Variants in SLC66A2 observed in about 807,000 individuals in gnomAD.
SLC66A2 encodes the protein solute carrier family 66 member 2, also known as PQ loop repeat containing 1.
In SLC66A2, 23 loss-of-function variants were observed where a neutral mutation model predicts 25.5. The observed-to-expected ratio is 0.90, with a 90% CI of 0.65 to 1.28. The LOEUF is 1.28. Ranked by LOEUF, SLC66A2 falls within the 50% of genes most tolerant of loss-of-function variation. SLC66A2 has a pLI of 0.00. For synonymous variants in SLC66A2, 193 were observed against 166.5 expected (o/e 1.16, Z -1.23); for missense variants, 396 against 373.1 (o/e 1.06, Z -0.51).
In SLC66A2 at chr18:79,928,751, G is replaced by A. The variant is rs1436305157; in HGVS notation, c.391+5218C>T. ...GCCACTGCAGCAGTGGCGGGCACCC[G>A]AGCTCTTCATCGCCTGCTCAGCTCC... On this transcript the variant is annotated intron_variant, in intron 4 of 5. Coordinates refer to ENST00000397778, the MANE Select transcript of SLC66A2 (RefSeq NM_025078.5). Among the ~76,000 whole-genome samples, 5 of 151,794 alleles carry A rather than the reference G, an allele frequency of 3.3e-5. No homozygotes were observed. The South Asian group carries it at 6.3e-4, about 19-fold the overall frequency.
At chr18:79,924,266 G>C (rs1037997090) in intron 4 of SLC66A2, among the ~76,000 whole-genome samples, 3 of 152,146 alleles carry the variant, frequency 2.0e-5, no homozygotes, top group Non-Finnish European at 2.9e-5. Context: ...AAGGAAGAAA[G>C]GGCAGATTCA....
intron 3 of SLC66A2, among the ~76,000 whole-genome samples, chr18:79,942,458 G>A (rs1226022830): frequency 6.6e-6 from 1 of 152,190 alleles, no homozygotes; most frequent in African/African-American, 2.4e-5. Flanking sequence ...CCAACAGGAC[G>A]AAGTAGCGGT....
chr18:79,934,549 A>T (rs1986892493), intron 3 of SLC66A2, among the ~76,000 whole-genome samples: 1 of 152,238 alleles, frequency 6.6e-6, no homozygotes, highest in Non-Finnish European at 1.5e-5. Flanking sequence ...ACCTCTGCAC[A>T]GACACAGACA....
At chr18:79,930,499 A>AT (rs1188869768) in intron 4 of SLC66A2, among the ~76,000 whole-genome samples, 1 of 152,212 alleles carries the variant, frequency 6.6e-6, no homozygotes, top group Non-Finnish European at 1.5e-5. Flanking sequence ...TCAAATCCAC[A>AT]TAAAAAAAGA....
At chr18:79,906,168 A>G (rs762114477) in intron 5 of SLC66A2, among the ~76,000 whole-genome samples, 43 of 152,206 alleles carry the variant, frequency 2.8e-4, no homozygotes, top group Non-Finnish European at 5.6e-4. Context: ...CTGGTTTATC[A>G]GTTAATGATT....
chr18:79,904,137 C>A lies in SLC66A2; in HGVS notation c.655G>T (p.Ala219Ser). The A allele has an allele frequency of 6.2e-7, 1 of 1,613,024 alleles. No individual in the cohort carries two copies. Among genetic ancestry groups the A allele is most frequent in the East Asian group, 2.2e-5 (1 of 44,856 alleles). The change falls in exon 6 of 6, where the codon GCC (alanine) becomes TCC (serine). Residue 219 changes from alanine to serine, a missense_variant. By Grantham distance (99) the Ala-to-Ser change is moderately conservative. Coordinates refer to ENST00000397778, the MANE Select transcript of SLC66A2 (RefSeq NM_025078.5). This position sits in a 1 kb window ranked among gnomAD's most constrained non-coding sequence, Gnocchi z 6.3. ...GGGGCACCCTTCAGCAGGAAGTAGG[C>A]CGTCTTGAAGGCGTCACCACTGGTC... ...MWTSGDAFKT[A>S]YFLLKGAPLQ...
intron 5 of SLC66A2, among the ~76,000 whole-genome samples, chr18:79,905,792 C>T (rs1364763406): frequency 2.0e-5 from 3 of 152,322 alleles, no homozygotes; most frequent in East Asian, 1.9e-4. Flanking sequence ...ACACAAAGCC[C>T]GTGGCTTTAC....
intron 2 of SLC66A2, among the ~76,000 whole-genome samples, chr18:79,946,012 T>G (rs1411349933): frequency 1.3e-5 from 2 of 152,238 alleles, no homozygotes; most frequent in African/African-American, 4.8e-5. Flanking sequence ...GTGAGCCATT[T>G]TGGCCACTCT....
chr18:79,919,144 CTG>C, intron 5 of SLC66A2, 38 bp downstream of exon 5: 1 of 1,567,664 alleles, frequency 6.4e-7, no homozygotes. Context: ...TGTGGTGCCT[CTG>C]GAGCAGTGGT....
intron 4 of SLC66A2, among the ~76,000 whole-genome samples, chr18:79,922,277 GA>G (rs1985330106): frequency 1.0e-5 from 1 of 100,366 alleles, no homozygotes; most frequent in East Asian, 3.2e-4. Flanking sequence ...TTGTCTCTTT[GA>G]AAAGAAAAAA....
At chr18:79,911,554 C>T (rs1005654059) in intron 5 of SLC66A2, among the ~76,000 whole-genome samples, 14 of 152,248 alleles carry the variant, frequency 9.2e-5, no homozygotes, top group Non-Finnish European at 8.8e-5. Context: ...CGCACAGGTG[C>T]GCTCTGCAGC....
intron 4 of SLC66A2, among the ~76,000 whole-genome samples, chr18:79,928,205 C>A (rs1318706894): frequency 6.6e-6 from 1 of 152,240 alleles, no homozygotes; most frequent in Non-Finnish European, 1.5e-5. Context: ...CCAGATGGCA[C>A]TGGAATAAAC....
chr18:79,914,848 C>T lies in SLC66A2; in HGVS notation c.608+4336G>A, dbSNP rs1027130148. On this transcript the variant is annotated intron_variant, in intron 5 of 5. Transcript: ENST00000397778. ...GCCTCAGGAACAGCCCCCAGGTCGCCGGCCCTAGCCCTGCAGGCCCTGCCT... is the reference window on the plus strand; with the variant it reads ...GCCTCAGGAACAGCCCCCAGGTCGCTGGCCCTAGCCCTGCAGGCCCTGCCT... 3.9e-5 allele frequency among the ~76,000 whole-genome samples: 6 copies of T among 152,362 alleles called. No homozygotes were observed. The South Asian group carries it at 1.0e-3, about 26-fold the overall frequency.
chr18:79,935,236 C>T (rs1480368209), intron 3 of SLC66A2: 2 of 152,320 alleles, frequency 1.3e-5, no homozygotes, highest in Admixed American at 6.5e-5. Flanking sequence ...GGCAGCCAGC[C>T]GGCAGGCTGG....
At chr18:79,947,234 C>T (rs2050956643) in intron 2 of SLC66A2, 1 of 152,312 alleles carries the variant, frequency 6.6e-6, no homozygotes, top group South Asian at 2.1e-4. Context: ...TATGAGGCAT[C>T]ATTTAGCCCT....
At position 79,943,363 on chromosome 18, in the gene SLC66A2, G is replaced by A. The variant is rs116435772; in HGVS notation, c.303C>T (p.Ala101=). Residue 101 remains alanine, a synonymous_variant, in exon 3 of 6, where the codon GCC becomes GCT. Coordinates refer to ENST00000397778, the MANE Select transcript of SLC66A2 (RefSeq NM_025078.5). ...AGCGGCGCCTGGCGTTGAGCTCGTTGGCCACACGGACCTCGGTGCACAGCT... is the reference window on the plus strand; with the variant it reads ...AGCGGCGCCTGGCGTTGAGCTCGTTAGCCACACGGACCTCGGTGCACAGCT... The part of the protein sequence containing the change: ...MLKLCTEVRV[A]NELNARRRSF... The A allele has an allele frequency of 1.2e-4, 186 of 1,614,142 alleles. 3 individuals are homozygous for A. Among genetic ancestry groups the A allele is most frequent in the Middle Eastern group, 6.6e-4 (4 of 6,060 alleles).
Position 79,951,013 on chromosome 18 carries a change from G to A in SLC66A2, c.-87C>T, listed in dbSNP as rs2051103383. The A allele has an allele frequency of 3.7e-6, 4 of 1,070,754 alleles. No homozygotes were observed. In the African/African-American group the frequency reaches 5.1e-5, roughly 14 times the overall value. 66.3% of individuals were successfully genotyped at this position (1,070,754 alleles called of 1,614,324 possible). A position where few individuals can be genotyped will look rare whatever the true frequency, so the allele number is the denominator to read the frequency against. On this transcript the variant is annotated 5_prime_UTR_variant, in exon 2 of 6. Coordinates refer to ENST00000397778, the MANE Select transcript of SLC66A2 (RefSeq NM_025078.5). ...GCTCATCGCCGCTCCGCGCGCTCCTGCGGCCTCGGGGCCTGCGGGGAGCGG... is the reference window on the plus strand; with the variant it reads ...GCTCATCGCCGCTCCGCGCGCTCCTACGGCCTCGGGGCCTGCGGGGAGCGG...
At chr18:79,908,802 TTTAGA>T (rs1295242038) in intron 5 of SLC66A2, among the ~76,000 whole-genome samples, 2 of 152,256 alleles carry the variant, frequency 1.3e-5, no homozygotes, top group Non-Finnish European at 2.9e-5. Context: ...AAATATATTA[TTTAGA>T]TTATTGTATT....
chr18:79,950,479 A>C (rs2051080486), intron 2 of SLC66A2, among the ~76,000 whole-genome samples: 1 of 152,226 alleles, frequency 6.6e-6, no homozygotes, highest in Non-Finnish European at 1.5e-5. Flanking sequence ...GTGGAACATC[A>C]TGCAAGGAGG....
Sources: allele counts gnomAD v4.1 joint callset (sites outside exome capture counted in the v4.1 genomes callset), GRCh38; gene constraint gnomAD v4.1.1; non-coding constraint Gnocchi (gnomAD v3.1); transcripts MANE v1.5; gene names NCBI Gene and HGNC (gene_info 2026-07-23, HGNC 2026-07-21).